Variants in GRXCR1 observed in about 807,000 individuals in gnomAD.
The protein encoded by GRXCR1 is glutaredoxin domain-containing cysteine-rich protein 1.
A neutral mutation model predicts 27.3 loss-of-function variants in GRXCR1; 27 were observed. That is an observed-to-expected ratio of 0.99 (90% confidence interval 0.73 to 1.37). The LOEUF is 1.37. Among genes scored for constraint, GRXCR1 ranks in the 40% most tolerant of loss-of-function variants. The pLI is 0.00. For missense variants in GRXCR1, 379 were observed against 354.4 expected (o/e 1.07, Z -0.56); for synonymous variants, 122 against 131.1 (o/e 0.93, Z 0.47).
intron 3 of GRXCR1, among the ~76,000 whole-genome samples, chr4:43,022,077 C>T (rs1713109489): frequency 6.6e-6 from 1 of 152,154 alleles, no homozygotes. Flanking sequence ...TCATATACTA[C>T]CCCAATCCTG....
rs79556949 is a variant in GRXCR1, at chr4:42,935,788, C to T, written c.385-27104C>T. On this transcript the variant is annotated intron_variant, in intron 1 of 3. Transcript: ENST00000399770. ...AAGTTCTTTTTGAATAATCTTAATG[C>T]GTTTTATTACTTGGAAGTCTAGTGT... 1.2e-3 allele frequency among the ~76,000 whole-genome samples: 176 copies of T among 151,878 alleles called. 3 individuals are homozygous for T. In the East Asian group the frequency reaches 0.031, roughly 27 times the overall value.
intron 3 of GRXCR1, among the ~76,000 whole-genome samples, chr4:43,028,147 G>A (rs1450485423): frequency 6.6e-6 from 1 of 151,644 alleles, no homozygotes; most frequent in African/African-American, 2.4e-5. Context: ...TAATTTATAC[G>A]GTTGGTAAAT....
At chr4:42,993,517 T>A (rs1712041851) in intron 2 of GRXCR1, among the ~76,000 whole-genome samples, 1 of 152,144 alleles carries the variant, frequency 6.6e-6, no homozygotes, top group Admixed American at 6.5e-5. Context: ...TTTAATACAC[T>A]TAACCTGTTG....
At chr4:42,909,976 C>T (rs764070596) in intron 1 of GRXCR1, among the ~76,000 whole-genome samples, 4 of 151,996 alleles carry the variant, frequency 2.6e-5, no homozygotes, top group South Asian at 4.1e-4. Flanking sequence ...AGATACTCCC[C>T]GAGACTGGGT....
chr4:42,990,174 T>C (rs10577040), intron 2 of GRXCR1, among the ~76,000 whole-genome samples: 1 of 6,950 alleles, frequency 1.4e-4, no homozygotes, highest in Non-Finnish European at 2.7e-4. Flanking sequence ...TTATTAGTTC[T>C]TTTTTTTTTT....
intron 2 of GRXCR1, among the ~76,000 whole-genome samples, chr4:42,998,595 A>T (rs1360685414): frequency 6.6e-6 from 1 of 152,222 alleles, no homozygotes; most frequent in Non-Finnish European, 1.5e-5. Context: ...GTGGTTCTTC[A>T]TAAAAAATAA....
intron 1 of GRXCR1, among the ~76,000 whole-genome samples, chr4:42,951,831 C>T (rs554235812): frequency 2.7e-4 from 41 of 152,224 alleles, no homozygotes; most frequent in Non-Finnish European, 4.9e-4. Context: ...GAGATAATAT[C>T]TCATTGTGGT....
In GRXCR1 at chr4:43,017,745, T is replaced by C. The variant is rs557492174; in HGVS notation, c.628-2609T>C. ...TGGAGTGTATGTAAAAACAAACTTA[T>C]GTCTGACATTCTTAGCCAAATACCA... On this transcript the variant is annotated intron_variant, in intron 2 of 3. Transcript: ENST00000399770. Among the ~76,000 whole-genome samples, 8 of 152,300 alleles carry C rather than the reference T, an allele frequency of 5.3e-5. No homozygotes were observed. The East Asian group carries it at 7.7e-4, about 15-fold the overall frequency.
At chr4:42,907,069 G>C (rs1746612796) in intron 1 of GRXCR1, among the ~76,000 whole-genome samples, 1 of 152,320 alleles carries the variant, frequency 6.6e-6, no homozygotes, top group Non-Finnish European at 1.5e-5. Flanking sequence ...GAAGGAAGCA[G>C]GTTAGGCAGG....
intron 2 of GRXCR1, among the ~76,000 whole-genome samples, chr4:42,982,276 A>T (rs922580641): frequency 7.0e-6 from 1 of 142,440 alleles, no homozygotes; most frequent in East Asian, 2.1e-4. Flanking sequence ...TCATTGTTCA[A>T]TTCCCACCTA....
intron 1 of GRXCR1, among the ~76,000 whole-genome samples, chr4:42,931,585 T>TA (rs397993144): frequency 1.3e-5 from 2 of 151,790 alleles, no homozygotes; most frequent in African/African-American, 4.8e-5. Flanking sequence ...AATTTTTTTT[T>TA]AAGAAATTTA....
At chr4:43,020,624 T>C (rs1420715437) in intron 3 of GRXCR1, among the ~76,000 whole-genome samples, 1 of 152,230 alleles carries the variant, frequency 6.6e-6, no homozygotes, top group East Asian at 1.9e-4. Flanking sequence ...AATGATCTCA[T>C]ACTATTAGGT....
chr4:42,968,514 T>A (rs1232820284), intron 2 of GRXCR1, among the ~76,000 whole-genome samples: 2 of 152,098 alleles, frequency 1.3e-5, no homozygotes, highest in Admixed American at 6.6e-5. Flanking sequence ...CTAGGAGGTT[T>A]GTATTTTTTT....
intron 1 of GRXCR1, among the ~76,000 whole-genome samples, chr4:42,953,738 G>A (rs1258645738): frequency 2.6e-5 from 4 of 152,182 alleles, no homozygotes; most frequent in African/African-American, 7.2e-5. Flanking sequence ...TGAAGACTGT[G>A]GATTTGGATT....
At chr4:42,996,588 A>G (rs1232676458) in intron 2 of GRXCR1, among the ~76,000 whole-genome samples, 1 of 152,006 alleles carries the variant, frequency 6.6e-6, no homozygotes, top group Admixed American at 6.5e-5. Flanking sequence ...GTAAAACAAC[A>G]GCTTTGTCTG....
At chr4:43,026,424 C>T (rs1228838291) in intron 3 of GRXCR1, among the ~76,000 whole-genome samples, 1 of 151,600 alleles carries the variant, frequency 6.6e-6, no homozygotes, top group African/African-American at 2.4e-5. Context: ...GAATGAGATT[C>T]CTGGGTGCTG....
chr4:42,950,475 G>A (rs1284202807), intron 1 of GRXCR1, among the ~76,000 whole-genome samples: 2 of 152,148 alleles, frequency 1.3e-5, no homozygotes, highest in Non-Finnish European at 2.9e-5. Flanking sequence ...TTAGCAAAAT[G>A]TAAAATGCCA....
intron 1 of GRXCR1, among the ~76,000 whole-genome samples, chr4:42,925,457 T>A (rs1382515770): frequency 1.3e-5 from 2 of 152,062 alleles, no homozygotes; most frequent in African/African-American, 4.8e-5. Flanking sequence ...AGGTTCATTT[T>A]AAGAATAAAT....
At chr4:42,956,344 A>C (rs1329705011) in intron 1 of GRXCR1, among the ~76,000 whole-genome samples, 1 of 152,090 alleles carries the variant, frequency 6.6e-6, no homozygotes, top group Non-Finnish European at 1.5e-5. Context: ...GGTAACCCTC[A>C]GGAAGGGAGA....
Sources: gnomAD v4.1 joint callset for allele counts (sites outside exome capture counted in the v4.1 genomes callset) on GRCh38, gnomAD v4.1.1 for gene constraint, MANE v1.5 for transcripts, NCBI Gene and HGNC (gene_info 2026-07-23, HGNC 2026-07-21) for gene names.